COG5: variants seen among roughly 807,000 people sequenced by gnomAD.
COG5 encodes the protein component of oligomeric golgi complex 5.
Under a neutral mutation model 110.4 loss-of-function variants are expected in COG5, and 86 were observed. The ratio of observed to expected loss-of-function variants is 0.78; its 90% CI spans 0.65 to 0.93. The LOEUF (loss-of-function observed/expected upper bound fraction) is 0.93. Among genes scored for constraint, COG5 ranks in the 40% least tolerant of loss-of-function variants. The pLI is 0.00. For missense variants in COG5, 1,077 were observed against 987.0 expected (o/e 1.09, Z -1.22); for synonymous variants, 360 against 334.6 (o/e 1.08, Z -0.83).
chr7:107,388,085 G>A (rs1256848856), intron 7 of COG5, among the ~76,000 whole-genome samples: 3 of 152,142 alleles, frequency 2.0e-5, no homozygotes, highest in Non-Finnish European at 4.4e-5. Context: ...CACCAAAATT[G>A]GAGAAACTTA....
At chr7:107,423,881 C>T (rs927234978) in intron 6 of COG5, among the ~76,000 whole-genome samples, 1 of 151,496 alleles carries the variant, frequency 6.6e-6, no homozygotes, top group African/African-American at 2.4e-5. Context: ...AATAAGTCAA[C>T]AAATGAGGTA....
At chr7:107,260,924 ACAC>A (rs1031230270) in intron 14 of COG5, among the ~76,000 whole-genome samples, 22 of 152,006 alleles carry the variant, frequency 1.4e-4, no homozygotes, top group African/African-American at 5.3e-4. Flanking sequence ...TTTCTCTCCA[ACAC>A]CACTCTTGTC....
chr7:107,256,607 C>A, intron 16 of COG5, 125 bp downstream of exon 16: 1 of 681,260 alleles, frequency 1.5e-6, no homozygotes, highest in Non-Finnish European at 2.6e-6. Flanking sequence ...GGATAATTAT[C>A]AACATGCTAC....
At chr7:107,538,650 C>T (rs1364385328) in intron 5 of COG5, among the ~76,000 whole-genome samples, 2 of 151,196 alleles carry the variant, frequency 1.3e-5, no homozygotes, top group Non-Finnish European at 2.9e-5. Flanking sequence ...TAATGGAAAA[C>T]AGTCCAGTTG....
chr7:107,524,009 A>T (rs1360250188), intron 6 of COG5, among the ~76,000 whole-genome samples: 2 of 152,212 alleles, frequency 1.3e-5, no homozygotes, highest in African/African-American at 4.8e-5. Context: ...TTAATTTATA[A>T]TATTAAAAAA....
intron 19 of COG5, among the ~76,000 whole-genome samples, chr7:107,226,370 A>G (rs1207273831): frequency 1.3e-5 from 2 of 152,210 alleles, no homozygotes; most frequent in African/African-American, 2.4e-5. Flanking sequence ...GCACATATTA[A>G]TAAGAGTAAG....
intron 10 of COG5, among the ~76,000 whole-genome samples, chr7:107,347,568 G>C (rs1039482449): frequency 2.0e-5 from 3 of 152,106 alleles, no homozygotes; most frequent in East Asian, 3.9e-4. Context: ...GTTTTGAATA[G>C]CTAGAAGGAG....
chr7:107,359,031 G>C (rs1385262972), intron 10 of COG5, among the ~76,000 whole-genome samples: 2 of 152,212 alleles, frequency 1.3e-5, no homozygotes, highest in Non-Finnish European at 2.9e-5. Flanking sequence ...ACTGCCATGA[G>C]GCTGGCTGCA....
chr7:107,474,062 T>G lies in COG5; in HGVS notation c.538+53175A>C. The G allele has an allele frequency of 6.5e-7, 1 of 1,529,780 alleles. No homozygotes were observed. The highest frequency in any genetic ancestry group is 8.9e-7 in the Non-Finnish European group (1 of 1,128,426). 94.8% of individuals were successfully genotyped at this position (1,529,780 alleles called of 1,614,324 possible). A position where few individuals can be genotyped will look rare whatever the true frequency, so the allele number is the denominator to read the frequency against. ...AAAAAAACCAACTGCTCCAAAAGAATGTGTTTTTCTCCCATTCTGGAAATC... is the reference window on the plus strand; with the variant it reads ...AAAAAAACCAACTGCTCCAAAAGAAGGTGTTTTTCTCCCATTCTGGAAATC... On this transcript the variant is annotated intron_variant, in intron 6 of 21. Transcript: ENST00000297135. This position sits in a 1 kb window ranked among gnomAD's most constrained non-coding sequence, Gnocchi z 5.7.
chr7:107,359,827 C>T (rs982055955), intron 10 of COG5, among the ~76,000 whole-genome samples: 1 of 152,012 alleles, frequency 6.6e-6, no homozygotes, highest in Non-Finnish European at 1.5e-5. Flanking sequence ...GAGGGCCACA[C>T]AGATGTCAGG....
rs924554793 is a variant in COG5 at position 107,202,225 on chromosome 7, T to C, written c.*1291A>G. 5 of 150,796 alleles carry C rather than the reference T, an allele frequency of 3.3e-5. No individual in the cohort carries two copies. Among genetic ancestry groups the C allele is most frequent in the African/African-American group, 1.2e-4 (5 of 41,408 alleles). The allele number at this position is 150,796 out of a possible 1,614,324, so 9.3% of individuals were successfully genotyped here. A position where few individuals can be genotyped will look rare whatever the true frequency, so the allele number is the denominator to read the frequency against. On this transcript the variant is annotated 3_prime_UTR_variant, in exon 22 of 22. Coordinates refer to ENST00000297135, the MANE Select transcript of COG5 (RefSeq NM_006348.5). Reference sequence around the variant, plus strand: ...TCCTCAGCCATGTATCTTAAATATATTTTGTCATCATAATCTTTATGGTGG... The same window carrying C: ...TCCTCAGCCATGTATCTTAAATATACTTTGTCATCATAATCTTTATGGTGG...
chr7:107,238,992 T>C (rs1584558130), intron 17 of COG5, among the ~76,000 whole-genome samples: 1 of 152,222 alleles, frequency 6.6e-6, no homozygotes, highest in East Asian at 1.9e-4. Context: ...ATAAATGTAA[T>C]CACATTTGTC....
At chr7:107,346,686 A>G (rs925364091) in intron 10 of COG5, among the ~76,000 whole-genome samples, 14 of 152,054 alleles carry the variant, frequency 9.2e-5, no homozygotes, top group Non-Finnish European at 2.1e-4. Flanking sequence ...CCACATAAAC[A>G]GGAGGATATT....
At chr7:107,404,152 T>A (rs1791639705) in intron 7 of COG5, among the ~76,000 whole-genome samples, 1 of 152,198 alleles carries the variant, frequency 6.6e-6, no homozygotes, top group African/African-American at 2.4e-5. Flanking sequence ...TAAAGACTCA[T>A]GCTATTTTAA....
intron 8 of COG5, among the ~76,000 whole-genome samples, chr7:107,362,701 G>A (rs1813228858): frequency 2.0e-5 from 3 of 151,770 alleles, no homozygotes; most frequent in South Asian, 4.2e-4. Context: ...ATGGAGGTGA[G>A]TCTTCCTCTG....
chr7:107,368,934 T>G (rs3823959), intron 8 of COG5, among the ~76,000 whole-genome samples: 23,790 of 152,224 alleles, frequency 0.16, 2,319 homozygotes, highest in Non-Finnish European at 0.22. Flanking sequence ...TCATTTCCCT[T>G]GCTCTCTCAA....
intron 7 of COG5, among the ~76,000 whole-genome samples, chr7:107,403,172 C>T (rs1247961824): frequency 1.3e-5 from 2 of 152,120 alleles, no homozygotes; most frequent in African/African-American, 4.8e-5. Flanking sequence ...AGAAATTACA[C>T]TAACTTTCTT....
intron 6 of COG5, among the ~76,000 whole-genome samples, chr7:107,434,901 C>T (rs559161126): frequency 5.3e-5 from 8 of 150,924 alleles, no homozygotes; most frequent in African/African-American, 9.7e-5. Flanking sequence ...ACCTGGGAGG[C>T]GGAGATTGCA....
chr7:107,520,435 C>A (rs904994390), intron 6 of COG5, among the ~76,000 whole-genome samples: 1 of 152,170 alleles, frequency 6.6e-6, no homozygotes, highest in African/African-American at 2.4e-5. Context: ...TGATAAGCAA[C>A]TTCAGTGAAG....
Sources: allele counts gnomAD v4.1 joint callset (sites outside exome capture counted in the v4.1 genomes callset), GRCh38; gene constraint gnomAD v4.1.1; non-coding constraint Gnocchi (gnomAD v3.1); transcripts MANE v1.5; gene names NCBI Gene and HGNC (gene_info 2026-07-23, HGNC 2026-07-21).